Variants in STAP1 observed in about 807,000 individuals in gnomAD.
STAP1 encodes signal transducing adaptor family member 1.
STAP1 carries 30 observed loss-of-function variants against 37.8 expected under a neutral mutation model. The ratio of observed to expected loss-of-function variants is 0.79; its 90% CI spans 0.59 to 1.08. The LOEUF is 1.08. Ranked by LOEUF, STAP1 falls within the 50% of genes least tolerant of loss-of-function variation. The pLI is 0.00. For synonymous variants in STAP1, 130 were observed against 116.0 expected (o/e 1.12, Z -0.78); for missense variants, 357 against 349.4 (o/e 1.02, Z -0.17).
intron 8 of STAP1, among the ~76,000 whole-genome samples, chr4:67,597,868 A>G (rs1210004641): frequency 3.9e-5 from 6 of 152,216 alleles, no homozygotes; most frequent in Non-Finnish European, 8.8e-5. Flanking sequence ...TCACAGGCAG[A>G]AGGGACTTGC....
intron 7 of STAP1, among the ~76,000 whole-genome samples, chr4:67,591,626 A>T (rs1473654083): frequency 6.6e-6 from 1 of 152,206 alleles, no homozygotes; most frequent in African/African-American, 2.4e-5. Context: ...TTGAGTCAGG[A>T]AAGTTGTCTC....
chr4:67,585,362 C>CCTCT (rs1213778165), intron 6 of STAP1, among the ~76,000 whole-genome samples: 1 of 152,076 alleles, frequency 6.6e-6, no homozygotes, highest in Non-Finnish European at 1.5e-5. Context: ...AAACAACTTC[C>CCTCT]AGAGACAAAT....
chr4:67,560,774 C>T (rs1352315675), intron 1 of STAP1, among the ~76,000 whole-genome samples: 3 of 152,050 alleles, frequency 2.0e-5, no homozygotes, highest in African/African-American at 7.2e-5. Flanking sequence ...GCCTCAGCCT[C>T]CTGAGTAGCT....
intron 8 of STAP1, among the ~76,000 whole-genome samples, chr4:67,602,330 C>G (rs1327939344): frequency 1.3e-5 from 2 of 151,844 alleles, no homozygotes; most frequent in Non-Finnish European, 2.9e-5. Flanking sequence ...TTTGTCACTC[C>G]AGAATTGGTC....
At chr4:67,560,886 C>A (rs1471232196) in intron 1 of STAP1, among the ~76,000 whole-genome samples, 2 of 152,000 alleles carry the variant, frequency 1.3e-5, no homozygotes, top group East Asian at 3.9e-4. Flanking sequence ...TGGGCTCAAG[C>A]AACCTGCCCA....
Position 67,590,741 on chromosome 4 carries a change from A to G in STAP1, c.660-143A>G, listed in dbSNP as rs571020737. 587 of 451,974 alleles carry G rather than the reference A, an allele frequency of 1.3e-3. 6 individuals are homozygous for G. The highest frequency in any genetic ancestry group is 0.012 in the African/African-American group (528 of 45,256). The allele number at this position is 451,974 out of a possible 1,614,324, so 28.0% of individuals were successfully genotyped here. A position where few individuals can be genotyped will look rare whatever the true frequency, so the allele number is the denominator to read the frequency against. On this transcript the variant is annotated intron_variant, in intron 6 of 8. Coordinates refer to ENST00000265404, the MANE Select transcript of STAP1 (RefSeq NM_012108.4). ...GGTAAACAGAAAATAAAAAACCACG[A>G]AGGATTTTTTTTTTTTTTTTTTTTG...
chr4:67,563,186 G>C (rs1277653573), intron 1 of STAP1, among the ~76,000 whole-genome samples: 3 of 152,168 alleles, frequency 2.0e-5, no homozygotes, highest in African/African-American at 7.2e-5. Context: ...TCTAGAATTT[G>C]GGCGATTCCT....
chr4:67,588,620 AG>A (rs1246388154), intron 6 of STAP1, among the ~76,000 whole-genome samples: 1 of 152,058 alleles, frequency 6.6e-6, no homozygotes, highest in African/African-American at 2.4e-5. Flanking sequence ...CGTGTTAGCC[AG>A]GATGGTCTCG....
chr4:67,565,054 T>G (rs573646538), intron 1 of STAP1, among the ~76,000 whole-genome samples: 1 of 152,342 alleles, frequency 6.6e-6, no homozygotes, highest in East Asian at 1.9e-4. Flanking sequence ...ATTTACTCCT[T>G]TCATTGCAGA....
chr4:67,565,934 CTTTTTTTTT>C lies in STAP1; in HGVS notation c.121-5128_121-5120del, dbSNP rs60607477. Among the ~76,000 whole-genome samples the C allele has an allele frequency of 1.5e-3, 88 of 59,450 alleles. 1 individual carries two copies. The Admixed American group carries it at 0.018, about 12-fold the overall frequency. 39.0% of individuals were successfully genotyped at this position (59,450 alleles called of 152,430 possible). A position where few individuals can be genotyped will look rare whatever the true frequency, so the allele number is the denominator to read the frequency against. ...TTCTCTTCCCCCCTCAACCCAACTG[CTTTTTTTTT>C]TTTTTTTTTTTTTTTTTTTTTACGA... On this transcript the variant is annotated intron_variant, in intron 1 of 8. Coordinates refer to ENST00000265404, the MANE Select transcript of STAP1 (RefSeq NM_012108.4).
chr4:67,584,505 G>A (rs1014767009), intron 6 of STAP1, among the ~76,000 whole-genome samples: 1 of 152,152 alleles, frequency 6.6e-6, no homozygotes, highest in African/African-American at 2.4e-5. Context: ...AGAGAGAGAT[G>A]GGAACCCTCA....
intron 5 of STAP1, among the ~76,000 whole-genome samples, chr4:67,582,673 C>T (rs937060437): frequency 2.0e-5 from 3 of 151,460 alleles, no homozygotes; most frequent in East Asian, 1.9e-4. Context: ...TTCTTGACTA[C>T]GATTTACAGG....
At chr4:67,587,251 G>A (rs1216969693) in intron 6 of STAP1, among the ~76,000 whole-genome samples, 1 of 152,216 alleles carries the variant, frequency 6.6e-6, no homozygotes, top group African/African-American at 2.4e-5. Flanking sequence ...GGTTATGGGA[G>A]AAATGTTCAG....
intron 1 of STAP1, among the ~76,000 whole-genome samples, chr4:67,561,803 G>A (rs1015583408): frequency 6.6e-6 from 1 of 152,112 alleles, no homozygotes; most frequent in Non-Finnish European, 1.5e-5. Context: ...GCCGGGAGCG[G>A]TGGCTCATGC....
chr4:67,590,936 AT>A lies in STAP1; in HGVS notation c.714del (p.Ile238MetfsTer7). Reference sequence around the variant, plus strand: ...GATGAGCGTAGGACAAAACTACACTATTGAACTGGAAAAACCTGTAAGTAAC... The same window carrying A: ...GATGAGCGTAGGACAAAACTACACTATGAACTGGAAAAACCTGTAAGTAAC... ...KVMSVGQNYT[I>X]ELEKPVTLPN... On this transcript the variant is annotated frameshift_variant, in exon 7 of 9. Transcript: ENST00000265404. LOFTEE classifies it high-confidence loss of function. The A allele has an allele frequency of 6.2e-7, 1 of 1,611,916 alleles. No individual in the cohort carries two copies. The highest frequency in any genetic ancestry group is 8.5e-7 in the Non-Finnish European group (1 of 1,179,008).
intron 1 of STAP1, among the ~76,000 whole-genome samples, chr4:67,563,884 A>G (rs1727406782): frequency 6.6e-6 from 1 of 151,982 alleles, no homozygotes; most frequent in African/African-American, 2.4e-5. Flanking sequence ...TGATAAATTC[A>G]GAAGTCTTAT....
intron 1 of STAP1, among the ~76,000 whole-genome samples, chr4:67,566,981 A>G (rs1241392492): frequency 6.6e-6 from 1 of 152,180 alleles, no homozygotes; most frequent in Non-Finnish European, 1.5e-5. Context: ...ATCAAAAAAT[A>G]AAATAAAATA....
intron 4 of STAP1, among the ~76,000 whole-genome samples, chr4:67,581,037 G>A (rs962380844): frequency 3.3e-5 from 5 of 152,218 alleles, no homozygotes; most frequent in Non-Finnish European, 7.3e-5. Context: ...TTTAGTGCAA[G>A]GCGGGGTGTT....
At position 67,606,329 on chromosome 4, in the gene STAP1, A is replaced by G; in HGVS notation, c.860A>G (p.Lys287Arg). 1 of 1,612,050 alleles carries G rather than the reference A, an allele frequency of 6.2e-7. No individual in the cohort carries two copies. The highest frequency in any genetic ancestry group is 1.7e-5 in the Admixed American group (1 of 59,686). Residue 287 changes from lysine (K) to arginine (R), a missense_variant, in exon 9 of 9, where the codon AAG (lysine) becomes AGG (arginine). Coordinates refer to ENST00000265404, the MANE Select transcript of STAP1 (RefSeq NM_012108.4). Reference sequence around the variant, plus strand: ...CCCAGTATGGAAGGGAGAAGTGAAAAGTTGAAGAAAAATCCACACATTGCA... The same window carrying G: ...CCCAGTATGGAAGGGAGAAGTGAAAGGTTGAAGAAAAATCCACACATTGCA... ...QEPSMEGRSE[K>R]LKKNPHIA
Sources: gnomAD v4.1 joint callset for allele counts (sites outside exome capture counted in the v4.1 genomes callset) on GRCh38, gnomAD v4.1.1 for gene constraint, MANE v1.5 for transcripts, NCBI Gene and HGNC (gene_info 2026-07-23, HGNC 2026-07-21) for gene names.